NUBPL: variants seen among roughly 807,000 people sequenced by gnomAD.
NUBPL encodes the protein iron-sulfur cluster transfer protein NUBPL.
In NUBPL, 31 loss-of-function variants were observed where a neutral mutation model predicts 45.7. The observed-to-expected ratio is 0.68, with a 90% confidence interval of 0.51 to 0.92. The LOEUF is 0.92. Ranked by LOEUF, NUBPL falls within the 40% of genes least tolerant of loss-of-function variation. NUBPL has a pLI of 0.00. For synonymous variants in NUBPL, 144 were observed against 140.9 expected, an observed-to-expected ratio of 1.02 and a Z score of -0.15; for missense variants, 401 against 398.7, an observed-to-expected ratio of 1.01 and a Z score of -0.05.
At chr14:31,838,421 G>A (rs964186696) in intron 8 of NUBPL, among the ~76,000 whole-genome samples, 1 of 152,046 alleles carries the variant, frequency 6.6e-6, no homozygotes, top group Non-Finnish European at 1.5e-5. Context: ...AAAATCTTAG[G>A]ACTCAATGAA....
chr14:31,635,916 C>G (rs1178561109), intron 4 of NUBPL, among the ~76,000 whole-genome samples: 1 of 152,128 alleles, frequency 6.6e-6, no homozygotes, highest in African/African-American at 2.4e-5. Flanking sequence ...TGTAAGAATG[C>G]TTGTGATTTT....
chr14:31,832,517 C>T (rs1022159875), intron 8 of NUBPL, among the ~76,000 whole-genome samples: 1 of 152,106 alleles, frequency 6.6e-6, no homozygotes, highest in African/African-American at 2.4e-5. Flanking sequence ...TGCCCTTCTT[C>T]TCTTTGAGAG....
At chr14:31,822,831 G>A (rs910064963) in intron 7 of NUBPL, among the ~76,000 whole-genome samples, 3 of 151,990 alleles carry the variant, frequency 2.0e-5, no homozygotes, top group African/African-American at 7.2e-5. Context: ...TAATTTGTTC[G>A]AATGGTGCTA....
Position 31,850,148 on chromosome 14 carries a change from G to A in NUBPL, c.844G>A (p.Glu282Lys), listed in dbSNP as rs1452576997. The A allele has an allele frequency of 6.2e-7, 1 of 1,613,784 alleles. No homozygotes were observed. Among genetic ancestry groups the A allele is most frequent in the African/African-American group, 1.3e-5 (1 of 74,908 alleles). The stretch of plus-strand genomic sequence containing the variant: ...CATTCCCTTACACCTTAATATAAGG[G>A]AAGCTTCAGATACAGGCCAGCCAAT... Reference protein sequence around the residue: ...GDIPLHLNIREASDTGQPIVF... With the variant: ...GDIPLHLNIRKASDTGQPIVF... Residue 282 changes from glutamate to lysine, a missense_variant, in exon 10 of 11, where the codon GAA (glutamate) becomes AAA (lysine). Transcript: ENST00000281081.
chr14:31,706,511 G>T (rs978846068), intron 6 of NUBPL, among the ~76,000 whole-genome samples: 2 of 152,212 alleles, frequency 1.3e-5, no homozygotes, highest in African/African-American at 4.8e-5. Flanking sequence ...AACTCCAGAG[G>T]TTGGTATAAG....
intron 6 of NUBPL, among the ~76,000 whole-genome samples, chr14:31,722,218 G>C (rs2037826318): frequency 6.6e-6 from 1 of 151,960 alleles, no homozygotes; most frequent in Admixed American, 6.6e-5. Flanking sequence ...CACTGTGTTT[G>C]CCAGGATGGT....
intron 7 of NUBPL, among the ~76,000 whole-genome samples, chr14:31,802,860 G>A (rs2138871237): frequency 6.6e-6 from 1 of 152,280 alleles, no homozygotes; most frequent in East Asian, 1.9e-4. Flanking sequence ...ATTTAAATGA[G>A]ATGAGATAGG....
intron 6 of NUBPL, among the ~76,000 whole-genome samples, chr14:31,690,679 G>A (rs529411199): frequency 1.3e-5 from 2 of 152,262 alleles, no homozygotes; most frequent in South Asian, 4.1e-4. Context: ...TCCAAATGTT[G>A]TTCATGACTT....
intron 3 of NUBPL, among the ~76,000 whole-genome samples, chr14:31,597,590 A>G (rs2034318024): frequency 6.6e-6 from 1 of 152,174 alleles, no homozygotes; most frequent in Admixed American, 6.5e-5. Flanking sequence ...AAAAGCTGTT[A>G]TTTTACTTGA....
chr14:31,591,055 T>A (rs1184823464), intron 3 of NUBPL, among the ~76,000 whole-genome samples: 3 of 152,196 alleles, frequency 2.0e-5, no homozygotes, highest in Non-Finnish European at 4.4e-5. Context: ...CAAACCCAGA[T>A]TTGCAGCTTT....
chr14:31,622,163 T>C (rs904510455), intron 4 of NUBPL, among the ~76,000 whole-genome samples: 1 of 152,080 alleles, frequency 6.6e-6, no homozygotes, highest in Non-Finnish European at 1.5e-5. Flanking sequence ...AACTTTGAAC[T>C]TGAGAGTGAT....
chr14:31,645,012 C>T (rs766063120), intron 4 of NUBPL, among the ~76,000 whole-genome samples: 25 of 151,756 alleles, frequency 1.6e-4, no homozygotes, highest in Non-Finnish European at 3.1e-4. Flanking sequence ...CTTCTCCAAT[C>T]TCCTTACTTT....
At chr14:31,663,708 T>C (rs889069721) in intron 4 of NUBPL, among the ~76,000 whole-genome samples, 1 of 152,168 alleles carries the variant, frequency 6.6e-6, no homozygotes, top group Non-Finnish European at 1.5e-5. Context: ...CTTAGGATTG[T>C]CTTGGCTATG....
intron 8 of NUBPL, among the ~76,000 whole-genome samples, chr14:31,834,341 TG>T (rs2040242814): frequency 6.6e-6 from 1 of 151,960 alleles, no homozygotes; most frequent in Non-Finnish European, 1.5e-5. Context: ...CCACCATGCC[TG>T]GCTAATTTTT....
At position 31,601,111 on chromosome 14, in the gene NUBPL, A is replaced by G. The variant is rs564434133; in HGVS notation, c.382+1732A>G. 2.2e-3 allele frequency among the ~76,000 whole-genome samples: 328 copies of G among 152,280 alleles called. 1 individual carries two copies. The highest frequency in any genetic ancestry group is 7.5e-3 in the African/African-American group (313 of 41,556). ...GGGCTCTGTTCTGTTCCATTGATCT[A>G]TATCTCTGTTTTGGTACCAGTACCA... On this transcript the variant is annotated intron_variant, in intron 4 of 10. Transcript: ENST00000281081.
chr14:31,641,730 T>A (rs2035706337), intron 4 of NUBPL, among the ~76,000 whole-genome samples: 1 of 152,168 alleles, frequency 6.6e-6, no homozygotes. Context: ...GGTAGTTCTA[T>A]TTTTAGTTTT....
chr14:31,605,008 T>C (rs1384059361), intron 4 of NUBPL, among the ~76,000 whole-genome samples: 1 of 152,234 alleles, frequency 6.6e-6, no homozygotes, highest in African/African-American at 2.4e-5. Context: ...GATGAGCAGT[T>C]ACTTTGGGAA....
rs190272164 is a variant in NUBPL, at chr14:31,625,897, C to G, written c.382+26518C>G. ...GGAAACAGAGGAACTTCCAGTCTTTCTATGATGTAGTCCTGTCAACCCTGT... is the reference window on the plus strand; with the variant it reads ...GGAAACAGAGGAACTTCCAGTCTTTGTATGATGTAGTCCTGTCAACCCTGT... On this transcript the variant is annotated intron_variant, in intron 4 of 10. Transcript: ENST00000281081. Among the ~76,000 whole-genome samples the G allele has an allele frequency of 1.0e-3, 157 of 152,250 alleles. 1 individual carries two copies. Among genetic ancestry groups the G allele is most frequent in the African/African-American group, 3.4e-3 (141 of 41,552 alleles).
intron 3 of NUBPL, among the ~76,000 whole-genome samples, chr14:31,582,919 A>C (rs779683499): frequency 1.8e-4 from 27 of 152,210 alleles, no homozygotes; most frequent in Non-Finnish European, 2.8e-4. Context: ...AAAGGAGGAA[A>C]TTAAAGTCAG....
Sources: allele counts gnomAD v4.1 joint callset (sites outside exome capture counted in the v4.1 genomes callset), GRCh38; gene constraint gnomAD v4.1.1; transcripts MANE v1.5; gene names NCBI Gene and HGNC (gene_info 2026-07-23, HGNC 2026-07-21).